SEMA5A: variants seen among roughly 807,000 people sequenced by gnomAD.
The protein encoded by SEMA5A is semaphorin 5A.
Under a neutral mutation model 135.5 loss-of-function variants are expected in SEMA5A, and 55 were observed. The observed-to-expected ratio is 0.41, with a 90% CI of 0.33 to 0.51. The LOEUF is 0.51. Ranked by LOEUF, SEMA5A falls within the 20% of genes least tolerant of loss-of-function variation. The pLI is 0.37. For missense variants in SEMA5A, 1,290 were observed against 1,419.9 expected, an observed-to-expected ratio of 0.91 and a Z score of 1.47; for synonymous variants, 580 against 546.5, an observed-to-expected ratio of 1.06 and a Z score of -0.85.
chr5:9,478,888 G>A (rs1454199172), intron 1 of SEMA5A, among the ~76,000 whole-genome samples: 1 of 152,188 alleles, frequency 6.6e-6, no homozygotes, highest in Non-Finnish European at 1.5e-5. Context: ...GCCAGGGTGG[G>A]ATGATATGGC....
intron 16 of SEMA5A, among the ~76,000 whole-genome samples, chr5:9,068,160 T>C (rs1737577391): frequency 6.6e-6 from 1 of 152,182 alleles, no homozygotes; most frequent in Non-Finnish European, 1.5e-5. Flanking sequence ...TTTGGATCTC[T>C]ATCTTTCTTG....
At chr5:9,300,047 C>CG (rs910127150) in intron 5 of SEMA5A, among the ~76,000 whole-genome samples, 1 of 151,590 alleles carries the variant, frequency 6.6e-6, no homozygotes, top group Non-Finnish European at 1.5e-5. Context: ...TTTTGGGGGG[C>CG]GGGGGGCAGG....
At chr5:9,270,887 C>T (rs1204445710) in intron 5 of SEMA5A, among the ~76,000 whole-genome samples, 2 of 152,038 alleles carry the variant, frequency 1.3e-5, no homozygotes, top group East Asian at 3.9e-4. Flanking sequence ...TCAAATCCAG[C>T]CCATTGCCTA....
chr5:9,404,203 G>A (rs922374419), intron 2 of SEMA5A, among the ~76,000 whole-genome samples: 1 of 152,104 alleles, frequency 6.6e-6, no homozygotes, highest in East Asian at 1.9e-4. Flanking sequence ...CAAAGTGCTG[G>A]GATTACAGGC....
intron 17 of SEMA5A, among the ~76,000 whole-genome samples, chr5:9,065,815 C>T (rs1173210259): frequency 6.6e-6 from 1 of 152,154 alleles, no homozygotes; most frequent in Non-Finnish European, 1.5e-5. Context: ...TGAATTGCCC[C>T]AGGTAAAAGG....
At chr5:9,047,897 C>T (rs944619085) in intron 21 of SEMA5A, among the ~76,000 whole-genome samples, 1 of 152,174 alleles carries the variant, frequency 6.6e-6, no homozygotes, top group Non-Finnish European at 1.5e-5. Context: ...TGGTGATGGG[C>T]TTTGCACCAG....
Position 9,157,817 on chromosome 5 carries a change from T to G in SEMA5A, c.1274-3122A>C, listed in dbSNP as rs2619927. On this transcript the variant is annotated intron_variant, in intron 11 of 22. Transcript: ENST00000382496. ...TCTTTCAGTGGCAGAAAGACAGAGATGGCCCTATAGAAGAGACACCCCGAA... is the reference window on the plus strand; with the variant it reads ...TCTTTCAGTGGCAGAAAGACAGAGAGGGCCCTATAGAAGAGACACCCCGAA... Among the ~76,000 whole-genome samples the G allele has an allele frequency of 2.0e-5, 3 of 151,634 alleles. No individual in the cohort carries two copies. In the East Asian group the frequency reaches 5.8e-4, roughly 29 times the overall value.
At chr5:9,239,669 C>T (rs1007716045) in intron 5 of SEMA5A, among the ~76,000 whole-genome samples, 23 of 151,838 alleles carry the variant, frequency 1.5e-4, no homozygotes, top group African/African-American at 4.8e-4. Context: ...ATGATATATT[C>T]TTTCAGCAGA....
intron 1 of SEMA5A, among the ~76,000 whole-genome samples, chr5:9,536,446 C>G (rs1459953490): frequency 1.3e-5 from 2 of 152,036 alleles, no homozygotes; most frequent in African/African-American, 4.8e-5. Context: ...AACCCTGTCT[C>G]TACTAAAAAT....
chr5:9,377,022 T>G lies in SEMA5A; in HGVS notation c.124+2801A>C, dbSNP rs10054934. On this transcript the variant is annotated intron_variant, in intron 3 of 22. Coordinates refer to ENST00000382496, the MANE Select transcript of SEMA5A (RefSeq NM_003966.3). ...CTGAAACACTATCCATGGTCACAAA[T>G]GGCAGAAAATAACCTAAGCATCTCT... is the stretch of plus-strand genomic sequence containing the variant. Among the ~76,000 whole-genome samples, 437 of 150,886 alleles carry G rather than the reference T, an allele frequency of 2.9e-3. 4 individuals carry two copies. Among genetic ancestry groups the G allele is most frequent in the African/African-American group, 0.01 (412 of 40,964 alleles).
rs555033894 is a variant in SEMA5A, at chr5:9,062,611, G to A, written c.2518+276C>T. Among the ~76,000 whole-genome samples the A allele has an allele frequency of 6.6e-5, 10 of 152,084 alleles. No individual in the cohort carries two copies. The South Asian group carries it at 1.5e-3, about 22-fold the overall frequency. On this transcript the variant is annotated intron_variant, in intron 18 of 22. Coordinates refer to ENST00000382496, the MANE Select transcript of SEMA5A (RefSeq NM_003966.3). ...CTCCAGAATGACTGGGACTACAGGC[G>A]TGCACTAACATACTTGGCTAATTTT...
At chr5:9,275,227 T>C (rs1472604386) in intron 5 of SEMA5A, among the ~76,000 whole-genome samples, 1 of 151,760 alleles carries the variant, frequency 6.6e-6, no homozygotes, top group Non-Finnish European at 1.5e-5. Flanking sequence ...AACTAGAAAA[T>C]CTAGAAGAAA....
intron 5 of SEMA5A, among the ~76,000 whole-genome samples, chr5:9,255,352 T>C (rs1341371617): frequency 6.6e-6 from 1 of 152,176 alleles, no homozygotes; most frequent in East Asian, 1.9e-4. Context: ...CACACCAAGG[T>C]GCTGACCACA....
chr5:9,317,802 G>T (rs1310766888), intron 5 of SEMA5A, among the ~76,000 whole-genome samples: 1 of 151,972 alleles, frequency 6.6e-6, no homozygotes, highest in Admixed American at 6.6e-5. Flanking sequence ...GGGAAAAGTG[G>T]GCTTTTGTGA....
intron 5 of SEMA5A, among the ~76,000 whole-genome samples, chr5:9,270,562 G>A (rs1045606541): frequency 6.6e-6 from 1 of 152,038 alleles, no homozygotes; most frequent in Non-Finnish European, 1.5e-5. Context: ...CTGAGAGCGG[G>A]GGAAAGTCGA....
intron 8 of SEMA5A, among the ~76,000 whole-genome samples, chr5:9,207,884 GATAGATAGATAGATACATAGATA>G (rs1746125797): frequency 2.3e-5 from 1 of 44,236 alleles, no homozygotes; most frequent in African/African-American, 7.4e-5. Flanking sequence ...TAGATAGATA[GATAGATAGATAGATACATAGATA>G]GATAGATAAT....
At chr5:9,320,942 T>A (rs981136634) in intron 4 of SEMA5A, among the ~76,000 whole-genome samples, 2 of 152,110 alleles carry the variant, frequency 1.3e-5, no homozygotes, top group African/African-American at 4.8e-5. Flanking sequence ...GGCTTACCAG[T>A]GTGATATAGT....
chr5:9,411,040 T>C (rs1403867061), intron 2 of SEMA5A, among the ~76,000 whole-genome samples: 1 of 151,880 alleles, frequency 6.6e-6, no homozygotes, highest in Non-Finnish European at 1.5e-5. Context: ...TTTGAAAAAC[T>C]ATGTATACTG....
intron 2 of SEMA5A, among the ~76,000 whole-genome samples, chr5:9,423,320 T>C (rs1757534477): frequency 6.6e-6 from 1 of 152,236 alleles, no homozygotes; most frequent in Non-Finnish European, 1.5e-5. Flanking sequence ...ACCAATGAAA[T>C]GATCCACTGG....
Sources: gnomAD v4.1 joint callset for allele counts (sites outside exome capture counted in the v4.1 genomes callset) on GRCh38, gnomAD v4.1.1 for gene constraint, MANE v1.5 for transcripts, NCBI Gene and HGNC (gene_info 2026-07-23, HGNC 2026-07-21) for gene names.